SAMD13: variants seen among roughly 807,000 people sequenced by gnomAD.
SAMD13 encodes the protein sterile alpha motif domain-containing protein 13.
SAMD13 carries 9 observed loss-of-function variants against 12.4 expected under a neutral mutation model. The observed-to-expected ratio is 0.72, with a 90% CI of 0.44 to 1.26. SAMD13 has a LOEUF of 1.26. Ranked by LOEUF, SAMD13 falls within the 50% of genes most tolerant of loss-of-function variation. SAMD13 has a pLI of 0.00. For synonymous variants in SAMD13, 46 were observed against 45.4 expected (o/e 1.01, Z -0.05); for missense variants, 84 against 119.6 (o/e 0.70, Z 1.39).
At chr1:84,323,058 T>C (rs1023069638) in intron 2 of SAMD13, among the ~76,000 whole-genome samples, 1 of 152,156 alleles carries the variant, frequency 6.6e-6, no homozygotes, top group African/African-American at 2.4e-5. Context: ...CACAGGGAGA[T>C]TGAATTCAGA....
intron 2 of SAMD13, among the ~76,000 whole-genome samples, chr1:84,311,459 A>T (rs1046817712): frequency 2.0e-5 from 3 of 152,222 alleles, no homozygotes; most frequent in African/African-American, 7.2e-5. Context: ...CTTTTCCATT[A>T]CTTAATCAAC....
At chr1:84,335,114 T>TA (rs1679265851) in intron 3 of SAMD13, among the ~76,000 whole-genome samples, 1 of 152,056 alleles carries the variant, frequency 6.6e-6, no homozygotes, top group African/African-American at 2.4e-5. Flanking sequence ...TTGTCTGCCT[T>TA]GATGGTCTGT....
Position 84,314,273 on chromosome 1 carries a change from CA to C in SAMD13, c.53+10987del, listed in dbSNP as rs1283702797. Among the ~76,000 whole-genome samples, 3 of 152,086 alleles carry C rather than the reference CA, an allele frequency of 2.0e-5. No individual in the cohort carries two copies. The East Asian group carries it at 5.8e-4, about 29-fold the overall frequency. ...GTCAGGTCTCCATCTCCTTGGGAAG[CA>C]GTCACATCTAGAAATGAATAAAAAA... On this transcript the variant is annotated intron_variant, in intron 2 of 3. Coordinates refer to ENST00000394834, the MANE Select transcript of SAMD13 (RefSeq NM_001134663.2).
At chr1:84,347,754 G>A (rs150443651) in intron 3 of SAMD13, among the ~76,000 whole-genome samples, 2 of 152,276 alleles carry the variant, frequency 1.3e-5, no homozygotes, top group East Asian at 3.9e-4. Context: ...CTTCAGCACG[G>A]CTACTGTGGT....
At chr1:84,348,637 C>T (rs1448292833) in intron 3 of SAMD13, among the ~76,000 whole-genome samples, 3 of 152,178 alleles carry the variant, frequency 2.0e-5, no homozygotes, top group African/African-American at 7.2e-5. Flanking sequence ...GCTTCCTTTC[C>T]AAAAGTTTCA....
At position 84,350,512 on chromosome 1, in the gene SAMD13, G is replaced by T. The variant is rs1167768397; in HGVS notation, c.*738G>T. Reference sequence around the variant, plus strand: ...AAGAAAGAATTTTTTTTAACTTCATGGTTTTATTTATAATAATTTGTTTCT... The same window carrying T: ...AAGAAAGAATTTTTTTTAACTTCATTGTTTTATTTATAATAATTTGTTTCT... On this transcript the variant is annotated 3_prime_UTR_variant, in exon 4 of 4. Transcript: ENST00000394834. 6.6e-6 allele frequency: 1 copy of T among 152,392 alleles called. No individual in the cohort carries two copies. Among genetic ancestry groups the T allele is most frequent in the African/African-American group, 2.4e-5 (1 of 41,394 alleles). The allele number at this position is 152,392 out of a possible 1,614,324, so 9.4% of individuals were successfully genotyped here. A position where few individuals can be genotyped will look rare whatever the true frequency, so the allele number is the denominator to read the frequency against.
chr1:84,303,297 G>A lies in SAMD13; in HGVS notation c.53+10G>A. The A allele has an allele frequency of 6.2e-7, 1 of 1,608,074 alleles. No individual in the cohort carries two copies. Among genetic ancestry groups the A allele is most frequent in the Non-Finnish European group, 8.5e-7 (1 of 1,174,946 alleles). On this transcript the variant is annotated intron_variant, in intron 2 of 3. Coordinates refer to ENST00000394834, the MANE Select transcript of SAMD13 (RefSeq NM_001134663.2). Reference sequence around the variant, plus strand: ...CTGTCGGTGTAAAAAAGTAAGTGAAGCTGGCTTCTGAGTTCTGCTTCTGCA... The same window carrying A: ...CTGTCGGTGTAAAAAAGTAAGTGAAACTGGCTTCTGAGTTCTGCTTCTGCA...
rs1572687297 is a variant in SAMD13 at position 84,304,033 on chromosome 1, A to G, written c.53+746A>G. The G allele has an allele frequency of 2.0e-5, 3 of 152,152 alleles. No homozygotes were observed. The South Asian group carries it at 6.2e-4, about 32-fold the overall frequency. The allele number at this position is 152,152 out of a possible 1,614,324, so 9.4% of individuals were successfully genotyped here. A position where few individuals can be genotyped will look rare whatever the true frequency, so the allele number is the denominator to read the frequency against. ...GGAGTTATCTGTTTCATTTCTTTCC[A>G]TATCATTTAGTTTAAAATTGCCGTC... On this transcript the variant is annotated intron_variant, in intron 2 of 3. Transcript: ENST00000394834.
intron 2 of SAMD13, among the ~76,000 whole-genome samples, chr1:84,310,087 A>C (rs966302807): frequency 6.6e-6 from 1 of 152,188 alleles, no homozygotes; most frequent in African/African-American, 2.4e-5. Flanking sequence ...TCTGAGCCGC[A>C]TATGTAATTT....
At chr1:84,349,572 T>G (rs1679605718) in intron 3 of SAMD13, 59 bp from the exon 4 acceptor site, 8 of 1,556,444 alleles carry the variant, frequency 5.1e-6, no homozygotes, top group Non-Finnish European at 7.0e-6. Flanking sequence ...TCCTTTTGTC[T>G]TCATTATCCT....
chr1:84,299,187 C>T (rs925713763), upstream of SAMD13, among the ~76,000 whole-genome samples: 2 of 152,092 alleles, frequency 1.3e-5, no homozygotes, highest in African/African-American at 4.8e-5. Context: ...GAGGCAGGGC[C>T]GGCGGCTCCT....
At chr1:84,309,211 G>A (rs1254701365) in intron 2 of SAMD13, among the ~76,000 whole-genome samples, 1 of 152,102 alleles carries the variant, frequency 6.6e-6, no homozygotes, top group Non-Finnish European at 1.5e-5. Flanking sequence ...CTGACTCCAA[G>A]ATAACTCTTT....
chr1:84,336,912 G>A (rs961730170), intron 3 of SAMD13, among the ~76,000 whole-genome samples: 1 of 152,166 alleles, frequency 6.6e-6, no homozygotes, highest in Non-Finnish European at 1.5e-5. Flanking sequence ...GGGAGAAATT[G>A]GCCAAAACAA....
chr1:84,309,538 A>T (rs1205283735), intron 2 of SAMD13, among the ~76,000 whole-genome samples: 4 of 152,194 alleles, frequency 2.6e-5, no homozygotes, highest in African/African-American at 7.2e-5. Context: ...TAGATCTCTG[A>T]TGTGGACCCT....
intron 1 of SAMD13, 83 bp from the exon 2 acceptor site, chr1:84,303,120 A>T (rs994998178): frequency 2.3e-5 from 23 of 1,011,318 alleles, no homozygotes; most frequent in Middle Eastern, 2.1e-4. Context: ...TGTAAAAGGG[A>T]CCATTATGTT....
At chr1:84,312,580 A>T (rs561000471) in intron 2 of SAMD13, among the ~76,000 whole-genome samples, 1 of 152,244 alleles carries the variant, frequency 6.6e-6, no homozygotes, top group African/African-American at 2.4e-5. Flanking sequence ...GAAAAAATTA[A>T]TTTGAACTGA....
At chr1:84,334,270 G>C (rs1679251386) in intron 3 of SAMD13, among the ~76,000 whole-genome samples, 1 of 151,922 alleles carries the variant, frequency 6.6e-6, no homozygotes, top group South Asian at 2.1e-4. Flanking sequence ...TTTCTTCCTT[G>C]TTCAATCTTG....
At chr1:84,303,834 T>C (rs1369999413) in intron 2 of SAMD13, 1 of 152,478 alleles carries the variant, frequency 6.6e-6, no homozygotes, top group Non-Finnish European at 1.5e-5. Flanking sequence ...AAACTTGTGT[T>C]TATATGTGTC....
upstream of SAMD13, chr1:84,299,660 T>TAAATAA: frequency 1.1e-6 from 1 of 883,160 alleles, no homozygotes; most frequent in Non-Finnish European, 1.5e-6. Flanking sequence ...TACTAGTGTA[T>TAAATAA]ATATATATAT....
Sources: allele counts gnomAD v4.1 joint callset (sites outside exome capture counted in the v4.1 genomes callset), GRCh38; gene constraint gnomAD v4.1.1; transcripts MANE v1.5; gene names NCBI Gene and HGNC (gene_info 2026-07-23, HGNC 2026-07-21).